MSL2: variants seen among roughly 807,000 people sequenced by gnomAD.
MSL2 encodes MSL complex subunit 2, also known as E3 ubiquitin-protein ligase MSL2.
Under a neutral mutation model 35.8 loss-of-function variants are expected in MSL2, and 2 were observed. That is an observed-to-expected ratio of 0.06 (90% CI 0.02 to 0.18). The LOEUF (loss-of-function observed/expected upper bound fraction) is 0.18. Ranked by LOEUF, MSL2 falls within the 10% of genes least tolerant of loss-of-function variation. MSL2 has a pLI of 1.00. For missense variants in MSL2, 523 were observed against 706.7 expected (o/e 0.74, Z 2.95); for synonymous variants, 296 against 255.7 (o/e 1.16, Z -1.50).
chr3:136,192,242 G>C (rs144102398), intron 1 of MSL2, among the ~76,000 whole-genome samples: 1 of 152,198 alleles, frequency 6.6e-6, no homozygotes, highest in East Asian at 1.9e-4. Flanking sequence ...GTGCGATCTC[G>C]GCTCACTGCA....
At position 136,151,972 on chromosome 3, in the gene MSL2, A is replaced by G; in HGVS notation, c.909T>C (p.Phe303=). 1 of 1,614,242 alleles carries G rather than the reference A, an allele frequency of 6.2e-7. No homozygotes were observed. Among genetic ancestry groups the G allele is most frequent in the Non-Finnish European group, 8.5e-7 (1 of 1,180,042 alleles). ...TAAGAGACTGGGAAGAAAGCTGCAGAAAAGGTCCATTGGATACAGTGGCTT... is the reference window on the plus strand; with the variant it reads ...TAAGAGACTGGGAAGAAAGCTGCAGGAAAGGTCCATTGGATACAGTGGCTT... The part of the protein sequence containing the change: ...NLEATVSNGP[F]LQLSSQSLSH... The change falls in exon 2 of 2, where the codon TTT becomes TTC. Residue 303 remains phenylalanine (F), a synonymous_variant. Transcript: ENST00000309993. The surrounding 1 kb of genome is among the most constrained non-coding windows in gnomAD (Gnocchi z 5.2).
intron 1 of MSL2, among the ~76,000 whole-genome samples, chr3:136,164,884 T>C (rs1233445276): frequency 6.6e-6 from 1 of 151,884 alleles, no homozygotes; most frequent in African/African-American, 2.4e-5. Context: ...CTTCAGACTT[T>C]TTTTTTTTGA....
Position 136,151,947 on chromosome 3 carries a change from T to C in MSL2, c.934A>G (p.Ser312Gly). Reference sequence around the variant, plus strand: ...CTGGTGGACATAAAAACATTATGGCTAAGAGACTGGGAAGAAAGCTGCAGA... The same window carrying C: ...CTGGTGGACATAAAAACATTATGGCCAAGAGACTGGGAAGAAAGCTGCAGA... Reference protein sequence around the residue: ...PFLQLSSQSLSHNVFMSTSPA... With the variant: ...PFLQLSSQSLGHNVFMSTSPA... The change falls in exon 2 of 2, where the codon AGC becomes GGC. Residue 312 changes from serine (S) to glycine (G), a missense_variant. By Grantham distance (56) the Ser-to-Gly change is moderately conservative. This residue lies in a region of MSL2 where 361 missense variants were observed against 414.6 expected (regional missense o/e 0.87). Transcript: ENST00000309993. The surrounding 1 kb of genome is among the most constrained non-coding windows in gnomAD (Gnocchi z 5.2). The C allele has an allele frequency of 6.2e-7, 1 of 1,614,212 alleles. No individual in the cohort carries two copies. Among genetic ancestry groups the C allele is most frequent in the Non-Finnish European group, 8.5e-7 (1 of 1,180,032 alleles).
At chr3:136,194,866 CA>C (rs1207913849) in intron 1 of MSL2, 105 bp downstream of exon 1, 1 of 1,522,720 alleles carries the variant, frequency 6.6e-7, no homozygotes, top group Admixed American at 2.1e-5. Context: ...GCACAAATAA[CA>C]AAAGCTTAAT....
intron 1 of MSL2, among the ~76,000 whole-genome samples, chr3:136,171,690 G>C (rs1030425499): frequency 6.6e-5 from 10 of 152,078 alleles, no homozygotes; most frequent in African/African-American, 2.4e-4. Context: ...TAAGTGATTT[G>C]GCCCTCAGTT....
At chr3:136,188,036 CCA>C (rs1226148758) in intron 1 of MSL2, among the ~76,000 whole-genome samples, 6 of 152,156 alleles carry the variant, frequency 3.9e-5, no homozygotes, top group African/African-American at 1.4e-4. Context: ...CCCTGAATAA[CCA>C]CTATAGGGCA....
chr3:136,156,213 CTT>C (rs998635261), intron 1 of MSL2, among the ~76,000 whole-genome samples: 4 of 152,124 alleles, frequency 2.6e-5, no homozygotes, highest in Non-Finnish European at 5.9e-5. Flanking sequence ...TAATGCGAAA[CTT>C]AGGATACAGT....
Position 136,195,875 on chromosome 3 carries a change from G to A in MSL2, c.-762C>T, listed in dbSNP as rs1940829721. ...GGCCGCCGCCGGCGGGCGGGAGGGG[G>A]CGGGGGGCAAGCCCGGCCGGGCCGC... On this transcript the variant is annotated 5_prime_UTR_variant, in exon 1 of 2. Coordinates refer to ENST00000309993, the MANE Select transcript of MSL2 (RefSeq NM_018133.4). The A allele has an allele frequency of 3.1e-6, 3 of 955,044 alleles. No individual in the cohort carries two copies. Among genetic ancestry groups the A allele is most frequent in the Middle Eastern group, 5.3e-4 (1 of 1,902 alleles). 59.2% of individuals were successfully genotyped at this position (955,044 alleles called of 1,614,324 possible).
At chr3:136,166,260 C>T (rs1351522072) in intron 1 of MSL2, among the ~76,000 whole-genome samples, 2 of 151,646 alleles carry the variant, frequency 1.3e-5, no homozygotes, top group Non-Finnish European at 1.5e-5. Context: ...TGGTGACAGA[C>T]GCCTATAATC....
chr3:136,164,717 T>C (rs528891836), intron 1 of MSL2, among the ~76,000 whole-genome samples: 2 of 152,226 alleles, frequency 1.3e-5, no homozygotes, highest in African/African-American at 4.8e-5. Flanking sequence ...GAAAATAAAA[T>C]GGATGGGCAA....
intron 1 of MSL2, among the ~76,000 whole-genome samples, chr3:136,170,717 A>G (rs924460541): frequency 3.3e-5 from 5 of 151,588 alleles, no homozygotes; most frequent in African/African-American, 1.2e-4. Flanking sequence ...GTTGGCCAGG[A>G]TGGTCTCGAT....
chr3:136,164,400 T>A (rs998765246), intron 1 of MSL2, among the ~76,000 whole-genome samples: 18 of 152,202 alleles, frequency 1.2e-4, no homozygotes, highest in African/African-American at 4.3e-4. Flanking sequence ...CTTCACAGAC[T>A]GCCCACCATT....
intron 1 of MSL2, among the ~76,000 whole-genome samples, chr3:136,164,308 G>C (rs1344671347): frequency 6.6e-6 from 1 of 152,172 alleles, no homozygotes; most frequent in Admixed American, 6.5e-5. Flanking sequence ...CATGTCTTTA[G>C]TCTTCTATGA....
chr3:136,191,844 G>A (rs994786057), intron 1 of MSL2, among the ~76,000 whole-genome samples: 1 of 152,132 alleles, frequency 6.6e-6, no homozygotes, highest in Non-Finnish European at 1.5e-5. Context: ...CAAACTTGAA[G>A]AAGATAAAGG....
intron 1 of MSL2, among the ~76,000 whole-genome samples, chr3:136,174,601 A>G (rs888847058): frequency 3.3e-5 from 5 of 152,230 alleles, no homozygotes; most frequent in East Asian, 1.9e-4. Context: ...TGGATTCTCA[A>G]TAACAGGTTT....
At chr3:136,178,529 G>A (rs893104949) in intron 1 of MSL2, among the ~76,000 whole-genome samples, 1 of 148,028 alleles carries the variant, frequency 6.8e-6, no homozygotes, top group Non-Finnish European at 1.5e-5. Context: ...AAATTTACTG[G>A]CACTTTTTTT....
Position 136,151,563 on chromosome 3 carries a change from T to C in MSL2, c.1318A>G (p.Ser440Gly). The C allele has an allele frequency of 6.2e-7, 1 of 1,614,210 alleles. No individual in the cohort carries two copies. Among genetic ancestry groups the C allele is most frequent in the Non-Finnish European group, 8.5e-7 (1 of 1,180,028 alleles). ...KDKAVKEKIP[S>G]HHFMPGSPTK... ...GGACTTCCTGGCATAAAATGATGACTAGGAATCTTTTCCTTTACTGCTTTG... is the reference window on the plus strand; with the variant it reads ...GGACTTCCTGGCATAAAATGATGACCAGGAATCTTTTCCTTTACTGCTTTG... Residue 440 changes from serine to glycine, a missense_variant, in exon 2 of 2, where the codon AGT becomes GGT. By Grantham distance (56) the Ser-to-Gly change is moderately conservative (BLOSUM62 0). Coordinates refer to ENST00000309993, the MANE Select transcript of MSL2 (RefSeq NM_018133.4). The surrounding 1 kb of genome is among the most constrained non-coding windows in gnomAD (Gnocchi z 5.2).
chr3:136,190,426 C>T (rs776786764), intron 1 of MSL2, among the ~76,000 whole-genome samples: 4 of 151,826 alleles, frequency 2.6e-5, no homozygotes, highest in Non-Finnish European at 5.9e-5. Context: ...TGTGGTGGCG[C>T]ACACCTGTAG....
At chr3:136,188,231 C>G (rs748626551) in intron 1 of MSL2, among the ~76,000 whole-genome samples, 1 of 152,022 alleles carries the variant, frequency 6.6e-6, no homozygotes, top group Non-Finnish European at 1.5e-5. Context: ...GTACAGAGAT[C>G]GAGACCATCC....
Sources: allele counts gnomAD v4.1 joint callset (sites outside exome capture counted in the v4.1 genomes callset), GRCh38; gene constraint gnomAD v4.1.1; regional missense constraint gnomAD v4.1.1; non-coding constraint Gnocchi (gnomAD v3.1); transcripts MANE v1.5; gene names NCBI Gene and HGNC (gene_info 2026-07-23, HGNC 2026-07-21).